Variants in PDE8B observed in about 807,000 individuals in gnomAD.
PDE8B encodes the protein high affinity cAMP-specific and IBMX-insensitive 3',5'-cyclic phosphodiesterase 8B.
A neutral mutation model predicts 101.3 loss-of-function variants in PDE8B; 26 were observed. The ratio of observed to expected loss-of-function variants is 0.26; its 90% CI spans 0.19 to 0.36. The LOEUF (loss-of-function observed/expected upper bound fraction) is 0.36. PDE8B is among the 10% of genes least tolerant of loss of function. The pLI is 1.00. For synonymous variants in PDE8B, 424 were observed against 429.3 expected (o/e 0.99, Z 0.15); for missense variants, 810 against 1,163.1 (o/e 0.70, Z 4.42).
intron 1 of PDE8B, among the ~76,000 whole-genome samples, chr5:77,232,059 G>A (rs754579016): frequency 7.2e-5 from 11 of 152,226 alleles, no homozygotes; most frequent in Admixed American, 2.0e-4. Context: ...TTTACAATTG[G>A]AGACTAACTT....
the PDE8B span, among the ~76,000 whole-genome samples, chr5:77,180,204 G>C: frequency 1.3e-5 from 2 of 152,210 alleles, no homozygotes; most frequent in Non-Finnish European, 2.9e-5. Context: ...CGGGCTCAAA[G>C]TCTTGGCTCC....
rs772985826 is a variant in PDE8B at position 77,309,941 on chromosome 5, A to ACCTTTTTTTTTTTTTTTTTTTTTTTT, written c.340-2053_340-2052insCCTTTTTTTTTTTTTTTTTTTTTTTT. Among the ~76,000 whole-genome samples the ACCTTTTTTTTTTTTTTTTTTTTTTTT allele has an allele frequency of 6.0e-5, 5 of 83,116 alleles. 2 individuals are homozygous for ACCTTTTTTTTTTTTTTTTTTTTTTTT. Among genetic ancestry groups the ACCTTTTTTTTTTTTTTTTTTTTTTTT allele is most frequent in the Non-Finnish European group, 1.1e-4 (5 of 46,546 alleles). 54.5% of individuals were successfully genotyped at this position (83,116 alleles called of 152,430 possible). Reference sequence around the variant, plus strand: ...AACTGGTTTCCCTTTTTAATCATTAATCTTTTTTTTTTTTTTTTTTTTTTT... The same window carrying ACCTTTTTTTTTTTTTTTTTTTTTTTT: ...AACTGGTTTCCCTTTTTAATCATTAACCTTTTTTTTTTTTTTTTTTTTTTTTTCTTTTTTTTTTTTTTTTTTTTTTT... On this transcript the variant is annotated intron_variant, in intron 1 of 21. Coordinates refer to ENST00000264917, the MANE Select transcript of PDE8B (RefSeq NM_003719.5).
rs140348109 is a variant in PDE8B, at chr5:77,394,363, G to A, written c.1168-5885G>A. Reference sequence around the variant, plus strand: ...CTCTGCTCATGAGTATCTCCTCCTCGCACTCTTCAGGTAGCAAGATCCTAT... The same window carrying A: ...CTCTGCTCATGAGTATCTCCTCCTCACACTCTTCAGGTAGCAAGATCCTAT... On this transcript the variant is annotated intron_variant, in intron 10 of 21. Coordinates refer to ENST00000264917, the MANE Select transcript of PDE8B (RefSeq NM_003719.5). Among the ~76,000 whole-genome samples the A allele has an allele frequency of 2.3e-3, 355 of 152,152 alleles. 4 individuals carry two copies. The highest frequency in any genetic ancestry group is 0.013 in the South Asian group (62 of 4,804).
chr5:77,317,960 G>A (rs1201757826), intron 2 of PDE8B, among the ~76,000 whole-genome samples: 3 of 149,970 alleles, frequency 2.0e-5, no homozygotes, highest in Non-Finnish European at 4.4e-5. Context: ...TGGAGGCTGA[G>A]GCAGAGAATT....
intron 2 of PDE8B, among the ~76,000 whole-genome samples, chr5:77,320,697 T>C (rs1464371263): frequency 6.6e-6 from 1 of 152,200 alleles, no homozygotes; most frequent in Non-Finnish European, 1.5e-5. Context: ...GAGGATATTA[T>C]TTTGAGCAAG....
intron 10 of PDE8B, among the ~76,000 whole-genome samples, chr5:77,378,232 G>A (rs530780540): frequency 7.2e-5 from 11 of 152,046 alleles, no homozygotes; most frequent in Admixed American, 1.3e-4. Context: ...AGGCTGAGGC[G>A]GGTGGATCAT....
At chr5:77,341,346 G>T (rs1677018990) in intron 6 of PDE8B, among the ~76,000 whole-genome samples, 1 of 151,912 alleles carries the variant, frequency 6.6e-6, no homozygotes, top group South Asian at 2.1e-4. Context: ...TGTCTTATGG[G>T]GCTTTATACT....
chr5:77,150,330 T>C, the PDE8B span, among the ~76,000 whole-genome samples: 4 of 152,214 alleles, frequency 2.6e-5, no homozygotes, highest in Admixed American at 6.5e-5. Flanking sequence ...TGTGTGACTA[T>C]CCAAGATGCT....
chr5:77,384,869 G>A (rs9947935), intron 10 of PDE8B, among the ~76,000 whole-genome samples: 7 of 152,140 alleles, frequency 4.6e-5, no homozygotes, highest in Admixed American at 6.5e-5. Flanking sequence ...GCTGGATTTG[G>A]CTTGCCAGTA....
intron 1 of PDE8B, among the ~76,000 whole-genome samples, chr5:77,245,201 A>C (rs558999968): frequency 6.6e-6 from 1 of 152,280 alleles, no homozygotes; most frequent in South Asian, 2.1e-4. Flanking sequence ...GATTTTAGCT[A>C]CTCTCCATTG....
the PDE8B span, among the ~76,000 whole-genome samples, chr5:77,118,078 G>A: frequency 1.3e-5 from 2 of 151,956 alleles, no homozygotes; most frequent in Non-Finnish European, 2.9e-5. Flanking sequence ...GGGACTACAG[G>A]CATGCACTAC....
the PDE8B span, chr5:77,118,510 G>A: frequency 2.5e-6 from 1 of 397,668 alleles, no homozygotes; most frequent in Non-Finnish European, 4.4e-6. Flanking sequence ...GGTCTTGTAT[G>A]AAACCTGTGA....
the PDE8B span, among the ~76,000 whole-genome samples, chr5:77,185,305 C>G: frequency 2.0e-5 from 3 of 152,102 alleles, no homozygotes; most frequent in East Asian, 3.9e-4. Context: ...AGGCTAAAAG[C>G]CTCAGAACTA....
At chr5:77,321,489 T>C (rs1456505726) in intron 2 of PDE8B, among the ~76,000 whole-genome samples, 1 of 152,204 alleles carries the variant, frequency 6.6e-6, no homozygotes, top group East Asian at 1.9e-4. Context: ...TCCCAGTTCC[T>C]AGCCTTTATG....
chr5:77,309,920 G>C (rs1772163040), intron 1 of PDE8B, among the ~76,000 whole-genome samples: 3 of 126,824 alleles, frequency 2.4e-5, no homozygotes, highest in South Asian at 2.7e-4. Flanking sequence ...ATGCCCAACT[G>C]GTTTCCCTTT....
chr5:77,272,911 A>G lies in PDE8B; in HGVS notation c.340-39083A>G, dbSNP rs184351680. 2.0e-5 allele frequency among the ~76,000 whole-genome samples: 3 copies of G among 152,268 alleles called. No homozygotes were observed. The East Asian group carries it at 5.8e-4, about 29-fold the overall frequency. Reference sequence around the variant, plus strand: ...ATTTTTTAATGTATTTTTATTGTGTATATTTAAGGAGAGAAAGTGATGTTT... The same window carrying G: ...ATTTTTTAATGTATTTTTATTGTGTGTATTTAAGGAGAGAAAGTGATGTTT... On this transcript the variant is annotated intron_variant, in intron 1 of 21. Coordinates refer to ENST00000264917, the MANE Select transcript of PDE8B (RefSeq NM_003719.5).
the PDE8B span, among the ~76,000 whole-genome samples, chr5:77,097,820 C>G: frequency 6.9e-6 from 1 of 144,738 alleles, no homozygotes; most frequent in Non-Finnish European, 1.5e-5. Context: ...AGGTAAGAGT[C>G]TTAATCCTAA....
intron 6 of PDE8B, among the ~76,000 whole-genome samples, chr5:77,338,536 C>T (rs1421068924): frequency 2.6e-5 from 4 of 152,202 alleles, no homozygotes; most frequent in East Asian, 3.9e-4. Flanking sequence ...ACTTTTTGAG[C>T]GTATAAGTAA....
chr5:77,234,379 C>T (rs544390548), intron 1 of PDE8B, among the ~76,000 whole-genome samples: 2 of 152,152 alleles, frequency 1.3e-5, no homozygotes, highest in South Asian at 4.1e-4. Flanking sequence ...TACTCACCCT[C>T]ACCCAACTCC....
Sources: gnomAD v4.1 joint callset for allele counts (sites outside exome capture counted in the v4.1 genomes callset) on GRCh38, gnomAD v4.1.1 for gene constraint, MANE v1.5 for transcripts, NCBI Gene and HGNC (gene_info 2026-07-23, HGNC 2026-07-21) for gene names.